CD72: variants seen among roughly 807,000 people sequenced by gnomAD.
The protein encoded by CD72 is CD72 molecule.
CD72 carries 28 observed loss-of-function variants against 50.7 expected under a neutral mutation model. That is an observed-to-expected ratio of 0.55 (90% CI 0.41 to 0.76). The LOEUF (loss-of-function observed/expected upper bound fraction) is 0.76. Ranked by LOEUF, CD72 falls within the 30% of genes least tolerant of loss-of-function variation. The probability of loss-of-function intolerance (pLI) is 0.00; values close to 1 mark genes in which losing one functional copy is unlikely to be tolerated. For missense variants in CD72, 403 were observed against 420.6 expected (o/e 0.96, Z 0.37); for synonymous variants, 176 against 171.2 (o/e 1.03, Z -0.22).
At position 35,616,597 on chromosome 9, in the gene CD72, C is replaced by G. The variant is rs1823067848; in HGVS notation, c.352+3G>C. On this transcript the variant is annotated splice_donor_region_variant and intron_variant, in intron 4 of 8. Transcript: ENST00000259633. The stretch of plus-strand genomic sequence containing the variant: ...AGTGGGAAGTAGGGACAGCCTTACT[C>G]ACAGCGCACTCCCAGGCAGATGGCG... 3.7e-6 allele frequency: 6 copies of G among 1,611,450 alleles called. No individual in the cohort carries two copies. Among genetic ancestry groups the G allele is most frequent in the Non-Finnish European group, 5.1e-6 (6 of 1,177,750 alleles).
chr9:35,631,139 T>A (rs1823242490), intron 1 of CD72, among the ~76,000 whole-genome samples: 1 of 152,150 alleles, frequency 6.6e-6, no homozygotes, highest in East Asian at 1.9e-4. Flanking sequence ...ATTGCTAGAG[T>A]AAAAACAATT....
At position 35,616,606 on chromosome 9, in the gene CD72, C is replaced by T. The variant is rs761143682; in HGVS notation, c.346G>A (p.Val116Met). 6.2e-6 allele frequency: 10 copies of T among 1,613,272 alleles called. No individual in the cohort carries two copies. The Admixed American group carries it at 6.7e-5, about 11-fold the overall frequency. Reference protein sequence around the residue: ...LLGVTAICLGVRYLQVSQQLQ... With the variant: ...LLGVTAICLGMRYLQVSQQLQ... ...TAGGGACAGCCTTACTCACAGCGCA[C>T]TCCCAGGCAGATGGCGGTCACTCCT... The change falls in exon 4 of 9, where the codon GTG becomes ATG. Residue 116 changes from valine (V) to methionine (M), a missense_variant. Physicochemically the swap from Val to Met is conservative, Grantham distance 21. Coordinates refer to ENST00000259633, the MANE Select transcript of CD72 (RefSeq NM_001782.3).
At chr9:35,624,135 C>T (rs1258668038), upstream of CD72, among the ~76,000 whole-genome samples, 2 of 151,274 alleles carry the variant, frequency 1.3e-5, no homozygotes, top group Non-Finnish European at 2.9e-5. Context: ...TCACTTGAAC[C>T]TGGGAGGCGG....
chr9:35,636,391 T>C (rs1823290031), intron 1 of CD72, among the ~76,000 whole-genome samples: 1 of 152,062 alleles, frequency 6.6e-6, no homozygotes, highest in Admixed American at 6.5e-5. Flanking sequence ...AGAGGAAATA[T>C]GAAGCTGTTA....
chr9:35,610,437 G>GC, intron 8 of CD72, 137 bp from the exon 9 acceptor site: 1 of 169,682 alleles, frequency 5.9e-6, no homozygotes, highest in Non-Finnish European at 1.1e-5. Context: ...GTCCCTCCCT[G>GC]CCCACCCCAC....
At chr9:35,620,992 C>G (rs3763628), upstream of CD72, among the ~76,000 whole-genome samples, 1 of 152,194 alleles carries the variant, frequency 6.6e-6, no homozygotes, top group Non-Finnish European at 1.5e-5. Context: ...CAGCTTGTAG[C>G]CTTCCTTTGT....
chr9:35,645,385 C>T (rs996643140), intron 1 of CD72, among the ~76,000 whole-genome samples: 1 of 151,934 alleles, frequency 6.6e-6, no homozygotes, highest in Non-Finnish European at 1.5e-5. Flanking sequence ...AGTTGGAGAC[C>T]GGCCTGGCCA....
upstream of CD72, among the ~76,000 whole-genome samples, chr9:35,621,342 G>T (rs1003371803): frequency 2.6e-5 from 4 of 152,188 alleles, no homozygotes; most frequent in Non-Finnish European, 5.9e-5. Context: ...GAGGGCATCA[G>T]ATAGAATTTG....
chr9:35,614,803 C>A (rs1048443320), intron 5 of CD72, among the ~76,000 whole-genome samples: 1 of 152,058 alleles, frequency 6.6e-6, no homozygotes, highest in East Asian at 1.9e-4. Flanking sequence ...GAGTTCGATA[C>A]CGGCCAGGGA....
intron 1 of CD72, among the ~76,000 whole-genome samples, chr9:35,639,274 G>C (rs1346354692): frequency 6.6e-6 from 1 of 152,056 alleles, no homozygotes; most frequent in Non-Finnish European, 1.5e-5. Flanking sequence ...AAATGCAATT[G>C]GTTTCTCAAA....
At chr9:35,613,091 C>A in intron 5 of CD72, 98 bp from the exon 6 acceptor site, 1 of 998,424 alleles carries the variant, frequency 1.0e-6, no homozygotes. Context: ...CTAATCTCAG[C>A]ACCTTCATGG....
chr9:35,631,228 A>C (rs1823243092), intron 1 of CD72, among the ~76,000 whole-genome samples: 1 of 151,914 alleles, frequency 6.6e-6, no homozygotes. Flanking sequence ...TATTTTTACT[A>C]GTCTTTTGGT....
At chr9:35,636,315 A>AC (rs1823289431) in intron 1 of CD72, among the ~76,000 whole-genome samples, 1 of 151,970 alleles carries the variant, frequency 6.6e-6, no homozygotes, top group East Asian at 1.9e-4. Flanking sequence ...GTTCTATTTG[A>AC]CTTTTTTTTT....
At chr9:35,628,031 C>T (rs1823211646) in intron 1 of CD72, among the ~76,000 whole-genome samples, 1 of 152,040 alleles carries the variant, frequency 6.6e-6, no homozygotes. Flanking sequence ...GACAAGGTTT[C>T]GCTATGTCGA....
chr9:35,621,233 G>T (rs1587904887), upstream of CD72, among the ~76,000 whole-genome samples: 1 of 152,166 alleles, frequency 6.6e-6, no homozygotes, highest in African/African-American at 2.4e-5. Context: ...AGCCTGGAGG[G>T]CAGACACTAA....
upstream of CD72, among the ~76,000 whole-genome samples, chr9:35,620,195 C>T (rs990400347): frequency 1.3e-5 from 2 of 152,072 alleles, no homozygotes; most frequent in African/African-American, 4.8e-5. Context: ...TTTTCAGATC[C>T]AATACACAGG....
intron 1 of CD72, among the ~76,000 whole-genome samples, chr9:35,633,379 C>T (rs1483016148): frequency 3.3e-5 from 5 of 150,596 alleles, no homozygotes; most frequent in East Asian, 3.9e-4. Flanking sequence ...TTTTCCTGTG[C>T]GTGTGTTGTT....
At chr9:35,614,412 G>A (rs756792348) in intron 5 of CD72, among the ~76,000 whole-genome samples, 36 of 152,338 alleles carry the variant, frequency 2.4e-4, no homozygotes, top group South Asian at 1.7e-3. Flanking sequence ...TGCAAAAGAT[G>A]AGGATGGGCA....
intron 1 of CD72, among the ~76,000 whole-genome samples, chr9:35,624,871 T>C (rs1823182004): frequency 1.3e-5 from 2 of 152,226 alleles, no homozygotes; most frequent in Admixed American, 1.3e-4. Context: ...TTGTCATTGT[T>C]TTGGAGCACC....
Sources: gnomAD v4.1 joint callset for allele counts (sites outside exome capture counted in the v4.1 genomes callset) on GRCh38, gnomAD v4.1.1 for gene constraint, MANE v1.5 for transcripts, NCBI Gene and HGNC (gene_info 2026-07-23, HGNC 2026-07-21) for gene names.